FBXL7: variants seen among roughly 807,000 people sequenced by gnomAD.
FBXL7 encodes F-box/LRR-repeat protein 7.
A neutral mutation model predicts 38.3 loss-of-function variants in FBXL7; 12 were observed. The ratio of observed to expected loss-of-function variants is 0.31; its 90% CI spans 0.20 to 0.51. The LOEUF (loss-of-function observed/expected upper bound fraction) is 0.51, where lower values mean the gene tolerates loss of function less well. Among genes scored for constraint, FBXL7 ranks in the 20% least tolerant of loss-of-function variants. FBXL7 has a pLI of 0.98. For synonymous variants in FBXL7, 297 were observed against 300.9 expected (o/e 0.99, Z 0.13); for missense variants, 567 against 676.4 (o/e 0.84, Z 1.79).
intron 2 of FBXL7, among the ~76,000 whole-genome samples, chr5:15,797,815 C>T (rs1020030425): frequency 4.6e-5 from 7 of 152,054 alleles, no homozygotes; most frequent in African/African-American, 1.4e-4. Flanking sequence ...AAATTTGTGA[C>T]GTCTGTGTTT....
At chr5:15,539,560 A>G (rs1737678506) in intron 1 of FBXL7, among the ~76,000 whole-genome samples, 1 of 152,126 alleles carries the variant, frequency 6.6e-6, no homozygotes, top group South Asian at 2.1e-4. Context: ...AGGGAGGCAG[A>G]CTGAGGACTC....
intron 2 of FBXL7, among the ~76,000 whole-genome samples, chr5:15,739,602 G>A (rs1444688699): frequency 6.6e-6 from 1 of 152,080 alleles, no homozygotes; most frequent in Non-Finnish European, 1.5e-5. Context: ...TGTCTCTGTA[G>A]ATTTGCCTAT....
intron 1 of FBXL7, among the ~76,000 whole-genome samples, chr5:15,534,164 A>G (rs944019170): frequency 1.6e-4 from 25 of 152,230 alleles, no homozygotes; most frequent in Non-Finnish European, 2.1e-4. Flanking sequence ...CAGTAAACCT[A>G]CATTGACACA....
At chr5:15,744,424 G>T (rs1169842666) in intron 2 of FBXL7, among the ~76,000 whole-genome samples, 5 of 152,116 alleles carry the variant, frequency 3.3e-5, no homozygotes, top group Non-Finnish European at 7.4e-5. Context: ...CTCCATCTGA[G>T]ATCACCTCAG....
chr5:15,521,969 T>G (rs993647021), intron 1 of FBXL7, among the ~76,000 whole-genome samples: 1 of 152,230 alleles, frequency 6.6e-6, no homozygotes, highest in Non-Finnish European at 1.5e-5. Context: ...TCATTGCTGT[T>G]ATATTTCATC....
intron 2 of FBXL7, among the ~76,000 whole-genome samples, chr5:15,814,102 A>T (rs1737942487): frequency 6.6e-6 from 1 of 152,182 alleles, no homozygotes; most frequent in Non-Finnish European, 1.5e-5. Context: ...ATTGTAAATC[A>T]TTCTACTATA....
At chr5:15,562,513 A>G (rs542976129) in intron 1 of FBXL7, among the ~76,000 whole-genome samples, 3 of 152,276 alleles carry the variant, frequency 2.0e-5, no homozygotes, top group African/African-American at 4.8e-5. Context: ...AAGGTGCTCA[A>G]TATCATGATG....
At chr5:15,702,743 C>T (rs1032489182) in intron 2 of FBXL7, among the ~76,000 whole-genome samples, 2 of 152,062 alleles carry the variant, frequency 1.3e-5, no homozygotes, top group African/African-American at 2.4e-5. Context: ...TTCTTTCATG[C>T]GCGTCCATGT....
chr5:15,612,365 T>C (rs1395235689), intron 1 of FBXL7, among the ~76,000 whole-genome samples: 3 of 152,182 alleles, frequency 2.0e-5, no homozygotes. Flanking sequence ...ACATATGCAC[T>C]TAGTGTTAGC....
intron 2 of FBXL7, among the ~76,000 whole-genome samples, chr5:15,639,462 C>T (rs1218687473): frequency 6.6e-6 from 1 of 152,030 alleles, no homozygotes; most frequent in African/African-American, 2.4e-5. Context: ...CCTGCACAGG[C>T]TCTCTCTCTT....
chr5:15,728,851 TA>T (rs1735492727), intron 2 of FBXL7, among the ~76,000 whole-genome samples: 3 of 152,166 alleles, frequency 2.0e-5, no homozygotes, highest in Admixed American at 2.0e-4. Context: ...GGATGTAAAT[TA>T]AAGGTCTTTT....
intron 2 of FBXL7, among the ~76,000 whole-genome samples, chr5:15,808,830 G>T (rs1386315270): frequency 6.6e-6 from 1 of 152,170 alleles, no homozygotes; most frequent in Non-Finnish European, 1.5e-5. Context: ...GTGAGTTCAT[G>T]TAGGCCTGTT....
intron 2 of FBXL7, among the ~76,000 whole-genome samples, chr5:15,644,671 AG>A (rs1357738619): frequency 1.3e-5 from 2 of 152,176 alleles, no homozygotes. Flanking sequence ...ACTGGATTTT[AG>A]TACATTATGG....
At chr5:15,638,714 G>A (rs543850985) in intron 2 of FBXL7, among the ~76,000 whole-genome samples, 1 of 152,260 alleles carries the variant, frequency 6.6e-6, no homozygotes, top group Admixed American at 6.5e-5. Context: ...AGCTTAGTAA[G>A]CAGTTTGTAC....
chr5:15,869,060 A>G (rs1739840970), intron 2 of FBXL7, among the ~76,000 whole-genome samples: 1 of 152,136 alleles, frequency 6.6e-6, no homozygotes, highest in Admixed American at 6.5e-5. Flanking sequence ...TTGAACGAAG[A>G]GCTCCATTCC....
intron 2 of FBXL7, among the ~76,000 whole-genome samples, chr5:15,925,380 G>T (rs530525607): frequency 6.6e-6 from 1 of 152,310 alleles, no homozygotes; most frequent in Non-Finnish European, 1.5e-5. Flanking sequence ...GGAGGTTGGG[G>T]CAGCACATAA....
chr5:15,648,083 G>C (rs991875478), intron 2 of FBXL7, among the ~76,000 whole-genome samples: 4 of 152,218 alleles, frequency 2.6e-5, no homozygotes, highest in Admixed American at 6.5e-5. Flanking sequence ...GTGACATGAG[G>C]TGGATAGAAT....
At chr5:15,825,396 A>G (rs1238361825) in intron 2 of FBXL7, among the ~76,000 whole-genome samples, 1 of 152,182 alleles carries the variant, frequency 6.6e-6, no homozygotes, top group Non-Finnish European at 1.5e-5. Context: ...AAAAAACTTT[A>G]TATGGAATAT....
At chr5:15,599,808 T>C (rs944677624) in intron 1 of FBXL7, among the ~76,000 whole-genome samples, 16 of 152,160 alleles carry the variant, frequency 1.1e-4, no homozygotes, top group African/African-American at 3.6e-4. Context: ...TTATGTCAGC[T>C]GAAAAATGAC....
Sources: gnomAD v4.1 joint callset for allele counts (sites outside exome capture counted in the v4.1 genomes callset) on GRCh38, gnomAD v4.1.1 for gene constraint, MANE v1.5 for transcripts, NCBI Gene and HGNC (gene_info 2026-07-23, HGNC 2026-07-21) for gene names.